Variants in TENM1 observed in about 807,000 individuals in gnomAD.
TENM1 encodes the protein teneurin-1.
Under a neutral mutation model 174.8 loss-of-function variants are expected in TENM1, and 35 were observed. The observed-to-expected ratio is 0.20, with a 90% confidence interval of 0.15 to 0.27. TENM1 has a LOEUF of 0.27. Ranked by LOEUF, TENM1 falls within the 10% of genes least tolerant of loss-of-function variation. The pLI, the probability that TENM1 is intolerant of heterozygous loss-of-function variation, is 1.00. For missense variants in TENM1, 1,633 were observed against 2,130.1 expected, an observed-to-expected ratio of 0.77 and a Z score of 4.59; for synonymous variants, 781 against 798.7, an observed-to-expected ratio of 0.98 and a Z score of 0.37.
At chrX:124,392,086 T>A in exon 28 of TENM1, 1 of 1,209,186 alleles carries the variant, frequency 8.3e-7, no homozygotes, top group Non-Finnish European at 1.1e-6. Flanking sequence ...AATTTTCCCA[T>A]CAGCCCAAGT....
At chrX:124,656,307 T>C (rs926581829) in intron 6 of TENM1, among the ~76,000 whole-genome samples, 16 of 112,514 alleles carry the variant, frequency 1.4e-4, no homozygotes, top group Non-Finnish European at 1.5e-4. Context: ...TTAAATGTTA[T>C]TCAATAAATC....
the TENM1 span, among the ~76,000 whole-genome samples, chrX:125,202,632 G>C: frequency 9.0e-6 from 1 of 110,621 alleles, no homozygotes; most frequent in Non-Finnish European, 1.9e-5. Context: ...CGGCGAGTAC[G>C]AGCTGCAAAC....
intron 3 of TENM1, among the ~76,000 whole-genome samples, chrX:124,782,473 T>C (rs1348286560): frequency 9.0e-6 from 1 of 111,139 alleles, no homozygotes; most frequent in Admixed American, 9.6e-5. Context: ...CCATACCCTA[T>C]GCTTCAACCA....
chrX:124,851,902 GT>G lies in TENM1; in HGVS notation c.535+42393del, dbSNP rs202129960. Among the ~76,000 whole-genome samples, 825 of 111,241 alleles carry G rather than the reference GT, an allele frequency of 7.4e-3. 4 individuals carry two copies. The highest frequency in any genetic ancestry group is 0.025 in the African/African-American group (768 of 30,720). On this transcript the variant is annotated intron_variant, in intron 3 of 31. Coordinates refer to ENST00000422452, the Ensembl canonical transcript of TENM1. ...AGTTTTTGAAACACAATGTAAATATGTTTTTTTCATAGAGATAAACGATACA... is the reference window on the plus strand; with the variant it reads ...AGTTTTTGAAACACAATGTAAATATGTTTTTTCATAGAGATAAACGATACA...
the TENM1 span, among the ~76,000 whole-genome samples, chrX:125,146,457 T>A: frequency 9.0e-6 from 1 of 111,671 alleles, no homozygotes; most frequent in Non-Finnish European, 1.9e-5. Flanking sequence ...TGTATTATGT[T>A]TTATTGTTAT....
At chrX:124,574,791 G>A (rs1192196024) in intron 11 of TENM1, among the ~76,000 whole-genome samples, 2 of 111,161 alleles carry the variant, frequency 1.8e-5, no homozygotes, top group African/African-American at 6.5e-5. Flanking sequence ...GTTTGTTTAA[G>A]GGCTGAAAAA....
chrX:124,979,899 A>G, the TENM1 span, among the ~76,000 whole-genome samples: 1 of 112,120 alleles, frequency 8.9e-6, no homozygotes, highest in East Asian at 2.8e-4. Flanking sequence ...TACTATACAC[A>G]TATTTATGAG....
intron 3 of TENM1, among the ~76,000 whole-genome samples, chrX:124,830,723 G>A (rs2056270202): frequency 9.0e-6 from 1 of 111,405 alleles, no homozygotes; most frequent in African/African-American, 3.3e-5. Flanking sequence ...CCAAATTAAT[G>A]AAGGGCTATG....
chrX:124,404,687 C>G, intron 27 of TENM1, among the ~76,000 whole-genome samples: 1 of 111,355 alleles, frequency 9.0e-6, no homozygotes. Context: ...TGATAGACAT[C>G]TCCAGGGCAT....
At chrX:125,128,388 G>A in the TENM1 span, among the ~76,000 whole-genome samples, 2 of 111,548 alleles carry the variant, frequency 1.8e-5, no homozygotes, top group African/African-American at 3.3e-5. Context: ...GGTACCTACC[G>A]ATTTAGATTA....
chrX:124,952,731 TATTA>T (rs2058509755), intron 1 of TENM1, among the ~76,000 whole-genome samples: 1 of 111,441 alleles, frequency 9.0e-6, no homozygotes, highest in Non-Finnish European at 1.9e-5. Flanking sequence ...GGTGTGTCCT[TATTA>T]ATTATTTTTG....
At chrX:124,788,614 G>A (rs748748657) in intron 3 of TENM1, among the ~76,000 whole-genome samples, 1 of 112,621 alleles carries the variant, frequency 8.9e-6, no homozygotes, top group Non-Finnish European at 1.9e-5. Flanking sequence ...AGGGGCTACA[G>A]GCCCCATGCA....
the TENM1 span, among the ~76,000 whole-genome samples, chrX:125,187,509 G>C: frequency 9.0e-6 from 1 of 111,255 alleles, no homozygotes. Context: ...TTGGAGTCTG[G>C]TTAAATAAAT....
chrX:124,401,432 C>G (rs2060399185), intron 27 of TENM1, among the ~76,000 whole-genome samples: 1 of 112,182 alleles, frequency 8.9e-6, no homozygotes, highest in Non-Finnish European at 1.9e-5. Flanking sequence ...GTCTCAACAG[C>G]TCTGATAGCT....
rs372950112 is a variant in TENM1 at position 124,697,156 on chromosome X, A to G, written c.1015+7857T>C. ...CCAACCCAATAATCAAACATTTGTG[A>G]GGCCCTTCCTTAGAAACTCTTGACT... On this transcript the variant is annotated intron_variant, in intron 5 of 31. Transcript: ENST00000422452. Among the ~76,000 whole-genome samples, 125 of 111,699 alleles carry G rather than the reference A, an allele frequency of 1.1e-3. 1 individual carries two copies. Among genetic ancestry groups the G allele is most frequent in the African/African-American group, 3.8e-3 (117 of 30,853 alleles).
the TENM1 span, among the ~76,000 whole-genome samples, chrX:125,022,152 T>C: frequency 0.014 from 1,518 of 112,146 alleles, 21 homozygotes; most frequent in African/African-American, 0.045. Flanking sequence ...ATGTGCCTCA[T>C]TTATACTAGT....
intron 11 of TENM1, among the ~76,000 whole-genome samples, chrX:124,587,760 A>G (rs1359887982): frequency 1.8e-5 from 2 of 111,338 alleles, no homozygotes; most frequent in African/African-American, 3.3e-5. Flanking sequence ...GCAACCTACA[A>G]AATGGGAGAA....
chrX:124,540,495 C>T (rs746822006), intron 15 of TENM1, among the ~76,000 whole-genome samples: 3 of 111,943 alleles, frequency 2.7e-5, no homozygotes, highest in African/African-American at 6.5e-5. Context: ...GCTTCTGCAG[C>T]GATGACCATC....
chrX:124,693,409 A>G (rs2052575226), intron 5 of TENM1, among the ~76,000 whole-genome samples: 1 of 111,273 alleles, frequency 9.0e-6, no homozygotes. Flanking sequence ...TATTTATTTG[A>G]CTATCTTCTA....
Sources: allele counts gnomAD v4.1 joint callset (sites outside exome capture counted in the v4.1 genomes callset), GRCh38; gene constraint gnomAD v4.1.1; transcripts MANE v1.5; gene names NCBI Gene and HGNC (gene_info 2026-07-23, HGNC 2026-07-21).